PIGN: variants seen among roughly 807,000 people sequenced by gnomAD.
PIGN encodes GPI ethanolamine phosphate transferase 1.
Under a neutral mutation model 125.4 loss-of-function variants are expected in PIGN, and 117 were observed. The observed-to-expected ratio is 0.93, with a 90% CI of 0.80 to 1.09. The LOEUF is 1.09. Ranked by LOEUF, PIGN falls within the 50% of genes least tolerant of loss-of-function variation. PIGN has a pLI of 0.00. For synonymous variants in PIGN, 392 were observed against 377.8 expected, an observed-to-expected ratio of 1.04 and a Z score of -0.44; for missense variants, 1,075 against 1,094.9, an observed-to-expected ratio of 0.98 and a Z score of 0.26.
At chr18:62,146,416 G>A (rs1411158521) in intron 9 of PIGN, among the ~76,000 whole-genome samples, 2 of 152,176 alleles carry the variant, frequency 1.3e-5, no homozygotes, top group African/African-American at 2.4e-5. Context: ...AAGTCTTTCT[G>A]GAGAAGATGG....
At position 62,045,797 on chromosome 18, in the gene PIGN, TGA is replaced by T; in HGVS notation, c.*57_*58del. On this transcript the variant is annotated 3_prime_UTR_variant, in exon 31 of 31. Transcript: ENST00000640252. ...ATCCATCTTCTTATTGAAGCCTTGA[TGA>T]GATTTTAGCTTAAAAGGAGAATCAG... 2 of 1,550,146 alleles carry T rather than the reference TGA, an allele frequency of 1.3e-6. No individual in the cohort carries two copies. Among genetic ancestry groups the T allele is most frequent in the Non-Finnish European group, 1.8e-6 (2 of 1,126,712 alleles).
intron 1 of PIGN, among the ~76,000 whole-genome samples, chr18:62,169,472 TA>T (rs1009928996): frequency 8.3e-5 from 8 of 96,636 alleles, no homozygotes; most frequent in African/African-American, 2.4e-4. Flanking sequence ...ATTTTTTTAT[TA>T]TTTTTTTTTT....
chr18:62,092,398 C>T (rs1483610624), intron 23 of PIGN, among the ~76,000 whole-genome samples: 5 of 152,014 alleles, frequency 3.3e-5, no homozygotes, highest in African/African-American at 1.2e-4. Context: ...AGAAAGTTCA[C>T]ACCCAATGGC....
intron 1 of PIGN, among the ~76,000 whole-genome samples, chr18:62,169,828 G>A (rs774203965): frequency 6.6e-6 from 1 of 151,550 alleles, no homozygotes; most frequent in Non-Finnish European, 1.5e-5. Flanking sequence ...TCAGTATGTT[G>A]CCCAGGCTGG....
chr18:62,048,876 C>T (rs1006853354), intron 30 of PIGN, among the ~76,000 whole-genome samples: 1 of 145,488 alleles, frequency 6.9e-6, no homozygotes, highest in African/African-American at 2.5e-5. Context: ...CAACAGTCCC[C>T]AGAGTGTGAT....
intron 23 of PIGN, among the ~76,000 whole-genome samples, chr18:62,029,515 G>A (rs1005872456): frequency 6.6e-6 from 1 of 152,152 alleles, no homozygotes; most frequent in African/African-American, 2.4e-5. Flanking sequence ...AGATATATTT[G>A]CATTGTCAAC....
At chr18:62,024,351 G>A (rs1408293487) in intron 23 of PIGN, among the ~76,000 whole-genome samples, 1 of 152,144 alleles carries the variant, frequency 6.6e-6, no homozygotes, top group African/African-American at 2.4e-5. Flanking sequence ...GAGACACGGT[G>A]CACAGTCAAG....
chr18:62,154,634 C>T lies in PIGN; in HGVS notation c.460G>A (p.Val154Ile), dbSNP rs181730303. The T allele has an allele frequency of 2.5e-5, 38 of 1,545,026 alleles. No homozygotes were observed. The East Asian group carries it at 5.6e-4, about 23-fold the overall frequency. Residue 154 changes from valine (V) to isoleucine (I), a missense_variant, in exon 7 of 31, where the codon GTT (valine) becomes ATT (isoleucine). Val to Ile is a conservative substitution (Grantham distance 29, BLOSUM62 3). Coordinates refer to ENST00000640252, the MANE Select transcript of PIGN (RefSeq NM_176787.5). ...MFAKGASGDH[V>I]YTYSYDAKRE... Reference sequence around the variant, plus strand: ...TTAGCATCATAACTATATGTATAAACGTGGTCTCCACTAGCACCTGAAAAG... The same window carrying T: ...TTAGCATCATAACTATATGTATAAATGTGGTCTCCACTAGCACCTGAAAAG...
At chr18:62,052,836 G>T (rs2031425015) in intron 30 of PIGN, 1 of 302,526 alleles carries the variant, frequency 3.3e-6, no homozygotes, top group East Asian at 4.9e-5. Context: ...TGCAGTGGCT[G>T]GTACTGGTTG....
At chr18:62,022,259 G>C (rs1205968251) in intron 23 of PIGN, among the ~76,000 whole-genome samples, 1 of 152,200 alleles carries the variant, frequency 6.6e-6, no homozygotes, top group Admixed American at 6.5e-5. Flanking sequence ...GATTCTGCCT[G>C]TCAAGGAGAG....
At chr18:62,020,155 G>A (rs912295477) in intron 23 of PIGN, among the ~76,000 whole-genome samples, 4 of 152,184 alleles carry the variant, frequency 2.6e-5, no homozygotes, top group African/African-American at 9.7e-5. Context: ...TTGAACTACC[G>A]GAGCCTGAAC....
Position 62,030,935 on chromosome 18 carries a change from A to T in PIGN, c.2143-13194T>A, listed in dbSNP as rs532258763. Among the ~76,000 whole-genome samples the T allele has an allele frequency of 3.3e-5, 5 of 152,310 alleles. No homozygotes were observed. In the East Asian group the frequency reaches 7.7e-4, roughly 23 times the overall value. ...TGAGGTGGGAGGATGGCTTGAGCCC[A>T]GGAGTTTGAGTACAGCCTGGGGAAC... is the stretch of plus-strand genomic sequence containing the variant. On this transcript the variant is annotated intron_variant, in intron 23 of 24. Transcript: ENST00000639600.
intron 12 of PIGN, among the ~76,000 whole-genome samples, chr18:62,139,679 C>T (rs1459825581): frequency 1.3e-5 from 2 of 152,140 alleles, no homozygotes; most frequent in African/African-American, 4.8e-5. Context: ...AAATCTTGCC[C>T]ATTATATACA....
In PIGN at chr18:62,183,973, ATTAC is replaced by A. The variant is rs1480471912; in HGVS notation, c.-236+2867_-236+2870del. Among the ~76,000 whole-genome samples the A allele has an allele frequency of 1.3e-4, 20 of 152,348 alleles. No homozygotes were observed. In the East Asian group the frequency reaches 1.3e-3, roughly 10 times the overall value. ...TTAGTTTAATTGCTTAATACTAAAT[ATTAC>A]TTAATACTTCTCTTTAAAGAAAATC... On this transcript the variant is annotated intron_variant, in intron 1 of 30. Transcript: ENST00000640252.
chr18:62,179,546 C>T (rs904678323), intron 1 of PIGN, among the ~76,000 whole-genome samples: 1 of 152,086 alleles, frequency 6.6e-6, no homozygotes, highest in African/African-American at 2.4e-5. Flanking sequence ...GAGTTTGAGA[C>T]CAGCCTGGGC....
downstream of PIGN, among the ~76,000 whole-genome samples, chr18:62,038,429 G>C (rs186588660): frequency 6.7e-6 from 1 of 148,846 alleles, no homozygotes; most frequent in East Asian, 2.0e-4. Context: ...TCTCTCAGTT[G>C]CAGCTTGAAA....
rs942502803 is a variant in PIGN at position 62,058,301 on chromosome 18, T to C, written c.2673-12322A>G. On this transcript the variant is annotated intron_variant, in intron 30 of 30. Transcript: ENST00000640252. ...TATTAATTAGGTATAATATTACATA[T>C]AGTTGACAATATTGACTGACTTGTG... Among the ~76,000 whole-genome samples, 132 of 152,250 alleles carry C rather than the reference T, an allele frequency of 8.7e-4. 1 individual carries two copies. Among genetic ancestry groups the C allele is most frequent in the Non-Finnish European group, 3.4e-4 (23 of 68,042 alleles).
intron 20 of PIGN, among the ~76,000 whole-genome samples, chr18:62,104,589 A>G (rs562344354): frequency 1.3e-5 from 2 of 152,288 alleles, no homozygotes; most frequent in South Asian, 2.1e-4. Flanking sequence ...GAGCTCTGCT[A>G]ATAAAGTGAC....
At chr18:62,033,579 T>C (rs566912748) in intron 23 of PIGN, among the ~76,000 whole-genome samples, 11 of 152,334 alleles carry the variant, frequency 7.2e-5, no homozygotes, top group South Asian at 6.2e-4. Context: ...TACTTCTGAA[T>C]ATAAATTGAG....
Sources: allele counts gnomAD v4.1 joint callset (sites outside exome capture counted in the v4.1 genomes callset), GRCh38; gene constraint gnomAD v4.1.1; transcripts MANE v1.5; gene names NCBI Gene and HGNC (gene_info 2026-07-23, HGNC 2026-07-21).